POLR2F: variants seen among roughly 807,000 people sequenced by gnomAD.
The protein encoded by POLR2F is DNA-directed RNA polymerases I, II, and III subunit RPABC2.
Under a neutral mutation model 22.7 loss-of-function variants are expected in POLR2F, and 12 were observed. The observed-to-expected ratio is 0.53, with a 90% confidence interval of 0.34 to 0.86. The LOEUF (loss-of-function observed/expected upper bound fraction) is 0.86. Among genes scored for constraint, POLR2F ranks in the 40% least tolerant of loss-of-function variants. The pLI, the probability that POLR2F is intolerant of heterozygous loss-of-function variation, is 0.02. For synonymous variants in POLR2F, 57 were observed against 66.0 expected (o/e 0.86, Z 0.66); for missense variants, 126 against 171.5 (o/e 0.73, Z 1.48).
chr22:37,967,582 G>A, intron 4 of POLR2F, 43 bp from the exon 5 acceptor site: 2 of 1,607,578 alleles, frequency 1.2e-6, no homozygotes, highest in Non-Finnish European at 1.7e-6. Flanking sequence ...GCAGAGCTGG[G>A]GTCACCAGCC....
chr22:38,017,360 C>T lies in POLR2F; in HGVS notation c.121-8509C>T, dbSNP rs574664102. 1.1e-4 allele frequency among the ~76,000 whole-genome samples: 17 copies of T among 152,200 alleles called. 1 individual carries two copies. The East Asian group carries it at 3.3e-3, about 29-fold the overall frequency. On this transcript the variant is annotated intron_variant, in intron 1 of 2. Coordinates refer to the POLR2F transcript ENST00000333418. This position sits in a 1 kb window ranked among gnomAD's most constrained non-coding sequence, Gnocchi z 4.1. ...GTGATCATGCTCAATGTCAGCTTGG[C>T]TCTTGGGGGTCTGTCTCCCAGCTGG...
intron 4 of POLR2F, among the ~76,000 whole-genome samples, chr22:37,977,655 T>C (rs1406670917): frequency 2.0e-5 from 3 of 152,004 alleles, no homozygotes; most frequent in Non-Finnish European, 4.4e-5. Flanking sequence ...CTTTGCCCAG[T>C]AGGATCAGCC....
chr22:38,014,079 G>A (rs917611696), intron 1 of POLR2F, among the ~76,000 whole-genome samples: 4 of 141,452 alleles, frequency 2.8e-5, no homozygotes, highest in Admixed American at 7.5e-5. Flanking sequence ...CAGATATCAC[G>A]CCATTGCACT....
intron 1 of POLR2F, among the ~76,000 whole-genome samples, chr22:37,996,338 C>T (rs2084713676): frequency 6.6e-6 from 1 of 152,178 alleles, no homozygotes; most frequent in Non-Finnish European, 1.5e-5. Flanking sequence ...CCGGGTCTTC[C>T]CCTCCTCCCT....
chr22:37,984,982 C>T (rs560925227), upstream of POLR2F: 1 of 152,456 alleles, frequency 6.6e-6, no homozygotes, highest in Non-Finnish European at 1.5e-5. The surrounding 1 kb of genome is among the most constrained non-coding windows in gnomAD (Gnocchi z 4.4). Flanking sequence ...TCTGCGAAAT[C>T]CTGTTGAGTG....
chr22:37,966,828 T>A (rs1242622259), intron 3 of POLR2F, among the ~76,000 whole-genome samples: 1 of 152,188 alleles, frequency 6.6e-6, no homozygotes, highest in Admixed American at 6.5e-5. Context: ...GGCAAGGCTC[T>A]GGGGTTGGAG....
chr22:37,962,498 T>G (rs1477210292), intron 3 of POLR2F, among the ~76,000 whole-genome samples: 1 of 152,184 alleles, frequency 6.6e-6, no homozygotes, highest in African/African-American at 2.4e-5. Flanking sequence ...CTTGCTCTTA[T>G]GCATGGCATT....
At chr22:37,966,498 C>T (rs760793290) in intron 3 of POLR2F, among the ~76,000 whole-genome samples, 4 of 152,056 alleles carry the variant, frequency 2.6e-5, no homozygotes, top group Non-Finnish European at 5.9e-5. Flanking sequence ...TGATGCCGGG[C>T]ATGGTGGCTC....
chr22:38,027,827 T>C (rs749281186), downstream of POLR2F, among the ~76,000 whole-genome samples: 1 of 152,016 alleles, frequency 6.6e-6, no homozygotes, highest in African/African-American at 2.4e-5. Context: ...GGACACCCCC[T>C]CCACACTTAT....
In POLR2F at chr22:37,980,435, A is replaced by G. The variant is rs143214515; in HGVS notation, c.293+13265A>G. ...GCCAGAAGAGAGAGAGGATTCCAACATCGGATTCCGCTGCTACCTCCTAAG... is the reference window on the plus strand; with the variant it reads ...GCCAGAAGAGAGAGAGGATTCCAACGTCGGATTCCGCTGCTACCTCCTAAG... On this transcript the variant is annotated intron_variant, in intron 4 of 4. Coordinates refer to the POLR2F transcript ENST00000405557. The surrounding 1 kb of genome is among the most constrained non-coding windows in gnomAD (Gnocchi z 4.1). Among the ~76,000 whole-genome samples the G allele has an allele frequency of 6.6e-6, 1 of 152,110 alleles. No homozygotes were observed.
chr22:37,994,709 G>A (rs983400793), intron 1 of POLR2F, among the ~76,000 whole-genome samples: 7 of 152,164 alleles, frequency 4.6e-5, no homozygotes, highest in Admixed American at 6.5e-5. Flanking sequence ...TAATAGAGAC[G>A]GGGTTTCACC....
At chr22:38,003,021 G>A (rs180800030) in intron 1 of POLR2F, among the ~76,000 whole-genome samples, 4 of 152,120 alleles carry the variant, frequency 2.6e-5, no homozygotes, top group South Asian at 2.1e-4. Context: ...CACCGCGCCC[G>A]GCCAACTTTT....
chr22:37,983,261 G>T, upstream of POLR2F: 1 of 1,381,228 alleles, frequency 7.2e-7, no homozygotes, highest in Non-Finnish European at 1.0e-6. The surrounding 1 kb of genome is among the most constrained non-coding windows in gnomAD (Gnocchi z 9.5). Context: ...CTGCCAGACA[G>T]TCCCGCTCTG....
upstream of POLR2F, chr22:37,983,898 CCG>C: frequency 4.3e-6 from 4 of 931,794 alleles, no homozygotes; most frequent in Non-Finnish European, 5.7e-6. The surrounding 1 kb of genome is among the most constrained non-coding windows in gnomAD (Gnocchi z 9.5). Context: ...GATGGAGCGG[CCG>C]CGCGCGCAGC....
chr22:37,959,373 C>G lies in POLR2F; in HGVS notation c.118C>G (p.Pro40Ala). The G allele has an allele frequency of 6.2e-7, 1 of 1,614,040 alleles. No individual in the cohort carries two copies. Among genetic ancestry groups the G allele is most frequent in the Non-Finnish European group, 8.5e-7 (1 of 1,179,938 alleles). ...EEGQENVEIL[P>A]SGERPQANQK... ...AGGCCAGGAGAATGTCGAGATCCTC[C>G]CCTCTGGGGAGCGACCGCAGGCCAA... Residue 40 changes from proline to alanine, a missense_variant, in exon 3 of 5, where the codon CCC (proline) becomes GCC (alanine). By Grantham distance (27) the Pro-to-Ala change is conservative. Transcript: ENST00000442738.
chr22:38,018,705 T>C (rs1027942289), intron 1 of POLR2F, among the ~76,000 whole-genome samples: 1 of 152,196 alleles, frequency 6.6e-6, no homozygotes, highest in African/African-American at 2.4e-5. Context: ...CAAAGTTTTC[T>C]ATGGTAGACC....
At chr22:37,971,590 TG>T (rs1346521192), downstream of POLR2F, among the ~76,000 whole-genome samples, 1 of 152,090 alleles carries the variant, frequency 6.6e-6, no homozygotes, top group Non-Finnish European at 1.5e-5. Context: ...CTGACATCCT[TG>T]GTCTGGACTT....
intron 1 of POLR2F, among the ~76,000 whole-genome samples, chr22:37,955,887 G>T (rs957458009): frequency 6.6e-6 from 1 of 151,798 alleles, no homozygotes; most frequent in Non-Finnish European, 1.5e-5. Flanking sequence ...ATTTCTCCAT[G>T]TTGGCCAGGC....
chr22:37,955,520 C>T (rs1230654258), intron 1 of POLR2F, among the ~76,000 whole-genome samples: 1 of 132,694 alleles, frequency 7.5e-6, no homozygotes, highest in Non-Finnish European at 1.6e-5. Flanking sequence ...TCCTGGACAA[C>T]AGAGCGAGAC....
Sources: allele counts gnomAD v4.1 joint callset (sites outside exome capture counted in the v4.1 genomes callset), GRCh38; gene constraint gnomAD v4.1.1; non-coding constraint Gnocchi (gnomAD v3.1); transcripts MANE v1.5; gene names NCBI Gene and HGNC (gene_info 2026-07-23, HGNC 2026-07-21).